Variants in SYTL2 observed in about 807,000 individuals in gnomAD.
SYTL2 encodes the protein synaptotagmin-like protein 2.
Under a neutral mutation model 198.7 loss-of-function variants are expected in SYTL2, and 165 were observed. The ratio of observed to expected loss-of-function variants is 0.83; its 90% CI spans 0.73 to 0.94. The LOEUF is 0.94. SYTL2 is among the 40% of genes least tolerant of loss of function. The probability of loss-of-function intolerance (pLI) is 0.00; values close to 1 mark genes in which losing one functional copy is unlikely to be tolerated. For missense variants in SYTL2, 2,835 were observed against 2,582.8 expected (o/e 1.10, Z -2.12); for synonymous variants, 966 against 917.7 (o/e 1.05, Z -0.95).
chr11:85,705,033 A>G lies in SYTL2; in HGVS notation c.6019-5T>C. ...GATTTGTTTTTCAATTTTATACTGA[A>G]GTTCAAAGAAGAAAATTAAATGATG... On this transcript the variant is annotated splice_region_variant and splice_polypyrimidine_tract_variant and intron_variant, in intron 15 of 19. Transcript: ENST00000359152. 2 of 1,597,676 alleles carry G rather than the reference A, an allele frequency of 1.3e-6. No individual in the cohort carries two copies. Among genetic ancestry groups the G allele is most frequent in the South Asian group, 1.1e-5 (1 of 89,936 alleles).
At chr11:85,814,471 G>T (rs1353695395), upstream of SYTL2, among the ~76,000 whole-genome samples, 2 of 152,184 alleles carry the variant, frequency 1.3e-5, no homozygotes, top group African/African-American at 4.8e-5. Context: ...CTGCAGGTAG[G>T]GCATGGGCCT....
intron 1 of SYTL2, among the ~76,000 whole-genome samples, chr11:85,794,701 A>G (rs1379700014): frequency 1.3e-5 from 2 of 152,002 alleles, no homozygotes; most frequent in African/African-American, 2.4e-5. Context: ...TGAAGGGAGG[A>G]AAAAAAATCA....
chr11:85,808,398 AT>A (rs1020114787), intron 1 of SYTL2, among the ~76,000 whole-genome samples: 8 of 152,182 alleles, frequency 5.3e-5, no homozygotes, highest in Admixed American at 3.3e-4. Context: ...TGGATCTTAT[AT>A]TTTTTTCTAC....
chr11:85,798,285 T>G (rs2092834074), intron 1 of SYTL2, among the ~76,000 whole-genome samples: 2 of 152,198 alleles, frequency 1.3e-5, no homozygotes, highest in Admixed American at 1.3e-4. Flanking sequence ...GACACTTATT[T>G]CTAAAAGGTG....
chr11:85,736,154 A>T (rs1268617261), intron 6 of SYTL2, among the ~76,000 whole-genome samples: 3 of 152,228 alleles, frequency 2.0e-5, no homozygotes, highest in Non-Finnish European at 2.9e-5. Context: ...AGCCCTTTTA[A>T]ACAGAACTTT....
At chr11:85,819,728 T>C in the SYTL2 span, among the ~76,000 whole-genome samples, 1 of 152,222 alleles carries the variant, frequency 6.6e-6, no homozygotes, top group Non-Finnish European at 1.5e-5. Flanking sequence ...CTGCCACAAC[T>C]TCCATTCAAC....
the SYTL2 span, among the ~76,000 whole-genome samples, chr11:85,836,811 T>C: frequency 6.6e-6 from 1 of 152,226 alleles, no homozygotes; most frequent in African/African-American, 2.4e-5. Context: ...ACCTTAGATC[T>C]GTTTGGAAAT....
intron 11 of SYTL2, 33 bp from the exon 12 acceptor site, chr11:85,714,540 C>G: frequency 6.3e-7 from 1 of 1,594,500 alleles, no homozygotes; most frequent in Non-Finnish European, 8.6e-7. Context: ...CAAAATTATT[C>G]TTACAATTGT....
intron 1 of SYTL2, among the ~76,000 whole-genome samples, chr11:85,775,539 G>C (rs566516485): frequency 2.0e-5 from 3 of 152,262 alleles, no homozygotes; most frequent in African/African-American, 7.2e-5. Flanking sequence ...CTAGAGTACA[G>C]TGGCGCTATC....
intron 9 of SYTL2, among the ~76,000 whole-genome samples, chr11:85,720,222 A>G (rs2088084312): frequency 6.6e-6 from 1 of 152,250 alleles, no homozygotes; most frequent in African/African-American, 2.4e-5. Flanking sequence ...TAGAAGGGAT[A>G]AAAGAGAAAG....
intron 1 of SYTL2, among the ~76,000 whole-genome samples, chr11:85,788,006 G>A (rs557517611): frequency 3.9e-5 from 6 of 152,202 alleles, no homozygotes; most frequent in Admixed American, 2.6e-4. Context: ...ATGTGTCACC[G>A]GGTCATGAGT....
chr11:85,709,269 A>T, intron 14 of SYTL2, 62 bp downstream of exon 14: 1 of 1,538,372 alleles, frequency 6.5e-7, no homozygotes, highest in Non-Finnish European at 9.0e-7. Context: ...TTTCCTTCCA[A>T]TTCCTGTAAG....
At chr11:85,746,653 T>C (rs1168728288) in intron 3 of SYTL2, among the ~76,000 whole-genome samples, 1 of 151,950 alleles carries the variant, frequency 6.6e-6, no homozygotes, top group Non-Finnish European at 1.5e-5. Flanking sequence ...TCCAGGAGAG[T>C]ATCCCCCCAC....
At chr11:85,815,854 G>T (rs559623753), upstream of SYTL2, among the ~76,000 whole-genome samples, 2 of 152,178 alleles carry the variant, frequency 1.3e-5, no homozygotes, top group South Asian at 4.2e-4. Flanking sequence ...TTTTCATATG[G>T]CCTTCCTTTA....
intron 1 of SYTL2, among the ~76,000 whole-genome samples, chr11:85,777,737 T>C (rs2092476898): frequency 6.8e-6 from 1 of 147,030 alleles, no homozygotes. Flanking sequence ...CAGAGTAGGC[T>C]TCAGACACAA....
At chr11:85,719,587 G>A (rs1013925977) in intron 9 of SYTL2, among the ~76,000 whole-genome samples, 3 of 151,810 alleles carry the variant, frequency 2.0e-5, no homozygotes, top group Non-Finnish European at 2.9e-5. Context: ...CAAAGGATTC[G>A]ACTCGCCTTC....
chr11:85,789,499 T>C (rs2153621743), intron 1 of SYTL2, among the ~76,000 whole-genome samples: 1 of 149,172 alleles, frequency 6.7e-6, no homozygotes, highest in South Asian at 2.1e-4. Flanking sequence ...CCTCCCAAAG[T>C]GTTGGGATTA....
chr11:85,739,916 C>A (rs2090657963), intron 4 of SYTL2, among the ~76,000 whole-genome samples: 1 of 152,118 alleles, frequency 6.6e-6, no homozygotes, highest in African/African-American at 2.4e-5. Flanking sequence ...GGTGATTCTT[C>A]CCTCCCAGAG....
At chr11:85,833,172 A>G in the SYTL2 span, among the ~76,000 whole-genome samples, 1 of 138,158 alleles carries the variant, frequency 7.2e-6, no homozygotes, top group Non-Finnish European at 1.7e-5. Context: ...AGAAAGAAAG[A>G]AAGAAAGAAA....
Sources: gnomAD v4.1 joint callset for allele counts (sites outside exome capture counted in the v4.1 genomes callset) on GRCh38, gnomAD v4.1.1 for gene constraint, MANE v1.5 for transcripts, NCBI Gene and HGNC (gene_info 2026-07-23, HGNC 2026-07-21) for gene names.